NXPE2: variants seen among roughly 807,000 people sequenced by gnomAD.
The protein encoded by NXPE2 is neurexophilin and PC-esterase domain family member 2.
NXPE2 carries 34 observed loss-of-function variants against 34.4 expected under a neutral mutation model. The ratio of observed to expected loss-of-function variants is 0.99; its 90% confidence interval spans 0.75 to 1.31. The LOEUF is 1.31. Ranked by LOEUF, NXPE2 falls within the 40% of genes most tolerant of loss-of-function variation. The probability of loss-of-function intolerance (pLI) is 0.00; values close to 1 mark genes in which losing one functional copy is unlikely to be tolerated. For missense variants in NXPE2, 649 were observed against 672.5 expected (o/e 0.97, Z 0.39); for synonymous variants, 235 against 231.3 (o/e 1.02, Z -0.15).
the NXPE2 span, among the ~76,000 whole-genome samples, chr11:114,638,286 A>G: frequency 8.6e-5 from 13 of 152,008 alleles, no homozygotes; most frequent in Non-Finnish European, 1.9e-4. Flanking sequence ...TTCTTCATGT[A>G]GTTCTCGAGC....
the NXPE2 span, among the ~76,000 whole-genome samples, chr11:114,776,586 G>A: frequency 6.6e-6 from 1 of 152,246 alleles, no homozygotes; most frequent in Middle Eastern, 3.2e-3. Flanking sequence ...ACATCTGGGA[G>A]AAGCCTTCGT....
intron 3 of NXPE2, among the ~76,000 whole-genome samples, chr11:114,702,086 A>G (rs1951375945): frequency 1.3e-5 from 2 of 152,202 alleles, no homozygotes; most frequent in African/African-American, 4.8e-5. Context: ...TTCAAATTAA[A>G]AAAGTCTTCT....
chr11:114,589,872 G>T, the NXPE2 span, among the ~76,000 whole-genome samples: 1 of 152,168 alleles, frequency 6.6e-6, no homozygotes, highest in African/African-American at 2.4e-5. Flanking sequence ...ATGCAGAATG[G>T]AGATTCATTA....
At chr11:114,609,245 C>T in the NXPE2 span, among the ~76,000 whole-genome samples, 1 of 151,428 alleles carries the variant, frequency 6.6e-6, no homozygotes, top group African/African-American at 2.4e-5. Flanking sequence ...ACCACTCTTA[C>T]CCAGTGGTTA....
At chr11:114,491,190 G>A in the NXPE2 span, among the ~76,000 whole-genome samples, 1 of 143,892 alleles carries the variant, frequency 6.9e-6, no homozygotes, top group Non-Finnish European at 1.5e-5. Flanking sequence ...AAGAGTTTCT[G>A]CACAGCCAAA....
the NXPE2 span, among the ~76,000 whole-genome samples, chr11:114,498,010 T>C: frequency 1.3e-5 from 2 of 152,152 alleles, no homozygotes; most frequent in Admixed American, 6.5e-5. Flanking sequence ...ATGTTTCTTA[T>C]GTATTGCATG....
chr11:114,728,329 G>A, the NXPE2 span, among the ~76,000 whole-genome samples: 6 of 152,150 alleles, frequency 3.9e-5, no homozygotes, highest in Middle Eastern at 3.4e-3. Flanking sequence ...CATCTTTGGA[G>A]GAAGAGGAGC....
the NXPE2 span, among the ~76,000 whole-genome samples, chr11:114,798,384 CTCCCT>C: frequency 6.6e-6 from 1 of 152,024 alleles, no homozygotes; most frequent in Non-Finnish European, 1.5e-5. Flanking sequence ...TCTTTCTTTT[CTCCCT>C]TCCCTTCCCT....
intron 3 of NXPE2, among the ~76,000 whole-genome samples, chr11:114,700,610 T>G (rs1170946746): frequency 1.3e-5 from 2 of 152,142 alleles, no homozygotes; most frequent in African/African-American, 4.8e-5. Context: ...GGCCAGTATT[T>G]TGTCTCACAG....
chr11:114,631,253 G>A, the NXPE2 span, among the ~76,000 whole-genome samples: 1 of 151,826 alleles, frequency 6.6e-6, no homozygotes, highest in Non-Finnish European at 1.5e-5. Context: ...ATTCACAATA[G>A]CAAAGACTTG....
the NXPE2 span, among the ~76,000 whole-genome samples, chr11:114,739,162 G>A: frequency 6.6e-6 from 1 of 152,184 alleles, no homozygotes; most frequent in Non-Finnish European, 1.5e-5. Context: ...GCACTGAATA[G>A]CTTCTCAGGT....
At chr11:114,529,118 G>A in the NXPE2 span, 2 of 288,366 alleles carry the variant, frequency 6.9e-6, no homozygotes, top group East Asian at 5.7e-5. Context: ...CTCTAAACTT[G>A]ACTTTGAAAA....
the NXPE2 span, among the ~76,000 whole-genome samples, chr11:114,799,660 A>G: frequency 2.0e-5 from 3 of 152,262 alleles, no homozygotes; most frequent in African/African-American, 7.2e-5. Context: ...CCTGTGAGGC[A>G]GAAGGGGGAG....
chr11:114,632,077 ATAT>A, the NXPE2 span, among the ~76,000 whole-genome samples: 7,070 of 101,108 alleles, frequency 0.07, 567 homozygotes, highest in African/African-American at 0.19. Context: ...GTATAGTATA[ATAT>A]TATTATATTG....
chr11:114,768,787 T>C, the NXPE2 span, among the ~76,000 whole-genome samples: 2 of 152,198 alleles, frequency 1.3e-5, no homozygotes, highest in Admixed American at 1.3e-4. Flanking sequence ...AAGTTGCTTA[T>C]CAGCTTAAGG....
chr11:114,579,511 A>G, the NXPE2 span, among the ~76,000 whole-genome samples: 1 of 152,212 alleles, frequency 6.6e-6, no homozygotes, highest in Non-Finnish European at 1.5e-5. Context: ...CCCATGCTTT[A>G]CTTGTGTCTA....
At chr11:114,632,234 ATATATG>A in the NXPE2 span, among the ~76,000 whole-genome samples, 4 of 140,556 alleles carry the variant, frequency 2.8e-5, no homozygotes, top group Non-Finnish European at 6.1e-5. Flanking sequence ...TATGTATAAT[ATATATG>A]TATATGTGTA....
At chr11:114,596,507 C>G in the NXPE2 span, among the ~76,000 whole-genome samples, 464 of 152,272 alleles carry the variant, frequency 3.0e-3, no homozygotes, top group African/African-American at 0.01. Flanking sequence ...AAGATGGAAT[C>G]AAGACCAGTT....
chr11:114,523,323 A>T, the NXPE2 span, among the ~76,000 whole-genome samples: 1 of 151,832 alleles, frequency 6.6e-6, no homozygotes, highest in African/African-American at 2.4e-5. Flanking sequence ...TTTCCTCCTA[A>T]ATTTGGTCAT....
Sources: gnomAD v4.1 joint callset for allele counts (sites outside exome capture counted in the v4.1 genomes callset) on GRCh38, gnomAD v4.1.1 for gene constraint, MANE v1.5 for transcripts, NCBI Gene and HGNC (gene_info 2026-07-23, HGNC 2026-07-21) for gene names.